DNAH7: variants seen among roughly 807,000 people sequenced by gnomAD.
DNAH7 encodes the protein axonemal beta dynein heavy chain 7.
In DNAH7, 397 loss-of-function variants were observed where a neutral mutation model predicts 444.6. That is an observed-to-expected ratio of 0.89 (90% CI 0.82 to 0.97). The LOEUF (loss-of-function observed/expected upper bound fraction) is 0.97, where lower values mean the gene tolerates loss of function less well. DNAH7 is among the 50% of genes least tolerant of loss of function. DNAH7 has a pLI of 0.00. For missense variants in DNAH7, 4,902 were observed against 4,800.8 expected (o/e 1.02, Z -0.62); for synonymous variants, 1,636 against 1,624.4 (o/e 1.01, Z -0.17).
chr2:195,912,120 GT>G (rs1687394720), intron 24 of DNAH7, among the ~76,000 whole-genome samples: 1 of 152,170 alleles, frequency 6.6e-6, no homozygotes, highest in Admixed American at 6.5e-5. Context: ...AAGACCGTAA[GT>G]GAGTGATCAG....
At chr2:195,954,896 T>C (rs1005959410) in intron 19 of DNAH7, among the ~76,000 whole-genome samples, 4 of 152,234 alleles carry the variant, frequency 2.6e-5, no homozygotes, top group African/African-American at 9.7e-5. Context: ...GTAAATTTGT[T>C]GGAGTTCTTT....
In DNAH7 at chr2:195,808,771, A is replaced by C. The variant is rs367610912; in HGVS notation, c.9994T>G (p.Cys3332Gly). 2 of 1,613,914 alleles carry C rather than the reference A, an allele frequency of 1.2e-6. No homozygotes were observed. The highest frequency in any genetic ancestry group is 1.1e-5 in the South Asian group (1 of 91,084). Residue 3332 changes from cysteine to glycine, a missense_variant, in exon 53 of 65, where the codon TGT (cysteine) becomes GGT (glycine). Transcript: ENST00000312428. ...AAGGCAGGCAAATCATCTAATCGAC[A>C]TATTTCATCCCAGGATTTCTGAGGA... ...WLPQKSWDEI[C>G]RLDDLPAFKT...
intron 38 of DNAH7, among the ~76,000 whole-genome samples, chr2:195,874,036 C>T (rs1048677432): frequency 6.6e-6 from 1 of 151,838 alleles, no homozygotes; most frequent in Non-Finnish European, 1.5e-5. Context: ...ATCCTCAATA[C>T]AATATTAAAA....
intron 46 of DNAH7, among the ~76,000 whole-genome samples, chr2:195,852,222 C>A (rs1304208853): frequency 1.3e-5 from 2 of 152,094 alleles, no homozygotes; most frequent in Non-Finnish European, 1.5e-5. Flanking sequence ...CGCACCACTG[C>A]ACTCCAGTCT....
rs764416021 is a variant in DNAH7 at position 195,906,423 on chromosome 2, A to ACACACACACACTT, written c.4335+235_4335+236insAAGTGTGTGTGTG. Among the ~76,000 whole-genome samples, 105 of 147,570 alleles carry ACACACACACACTT rather than the reference A, an allele frequency of 7.1e-4. 1 individual carries two copies. Among genetic ancestry groups the ACACACACACACTT allele is most frequent in the African/African-American group, 2.5e-3 (99 of 39,466 alleles). On this transcript the variant is annotated intron_variant, in intron 27 of 64. Transcript: ENST00000312428. ...CATACACACAGAAACACACACACAC[A>ACACACACACACTT]CACACACTTTTAAAATATTTTCTTT...
At chr2:195,857,042 T>G (rs979012447) in intron 44 of DNAH7, among the ~76,000 whole-genome samples, 4 of 152,134 alleles carry the variant, frequency 2.6e-5, no homozygotes, top group Non-Finnish European at 5.9e-5. Context: ...TGTATTAACA[T>G]GTAACATTTT....
intron 46 of DNAH7, among the ~76,000 whole-genome samples, chr2:195,848,291 C>T (rs1333948974): frequency 1.3e-5 from 2 of 152,148 alleles, no homozygotes; most frequent in African/African-American, 2.4e-5. Context: ...ATGCAGAAGC[C>T]CCACAACTGG....
At chr2:195,995,333 C>G in intron 12 of DNAH7, 1 of 515,866 alleles carries the variant, frequency 1.9e-6, no homozygotes, top group Non-Finnish European at 3.9e-6. Flanking sequence ...AATCCAAGAC[C>G]CCATGGAGAG....
intron 12 of DNAH7, among the ~76,000 whole-genome samples, chr2:195,989,658 T>C (rs566194374): frequency 7.2e-5 from 11 of 152,304 alleles, no homozygotes; most frequent in African/African-American, 2.6e-4. Flanking sequence ...GTGTTGCAGG[T>C]AGGGCCTGGT....
chr2:196,055,916 C>T (rs1697773607), intron 2 of DNAH7, among the ~76,000 whole-genome samples: 1 of 152,220 alleles, frequency 6.6e-6, no homozygotes, highest in Admixed American at 6.5e-5. Context: ...CTCACCATCA[C>T]TCTAGGTGAA....
Position 195,775,900 on chromosome 2 carries a change from G to A in DNAH7, c.11148C>T (p.Ile3716=). 2 of 1,614,204 alleles carry A rather than the reference G, an allele frequency of 1.2e-6. No homozygotes were observed. Among genetic ancestry groups the A allele is most frequent in the Non-Finnish European group, 1.7e-6 (2 of 1,180,028 alleles). The change falls in exon 60 of 65, where the codon ATC becomes ATT. Residue 3716 remains isoleucine (I), a synonymous_variant. Transcript: ENST00000312428. ...GCTGAGTTTCTGACTGATCCTTAGT[G>A]ATATCTGCATTGGCATTCATCCCAA... is the stretch of plus-strand genomic sequence containing the variant. The part of the protein sequence containing the change: ...EIFGMNANAD[I]TKDQSETQLL...
At chr2:195,836,829 C>T (rs1395181192) in intron 47 of DNAH7, among the ~76,000 whole-genome samples, 1 of 152,158 alleles carries the variant, frequency 6.6e-6, no homozygotes, top group African/African-American at 2.4e-5. Flanking sequence ...GAATTACTCA[C>T]TCTTGTATCA....
At chr2:195,862,083 A>G (rs764391359) in intron 41 of DNAH7, 137 bp from the exon 42 acceptor site, 1 of 686,988 alleles carries the variant, frequency 1.5e-6, no homozygotes, top group Non-Finnish European at 2.5e-6. Flanking sequence ...AGACAATTTC[A>G]TAAGAAACTT....
chr2:196,051,845 T>C (rs1461208840), intron 2 of DNAH7, among the ~76,000 whole-genome samples: 1 of 152,138 alleles, frequency 6.6e-6, no homozygotes, highest in Non-Finnish European at 1.5e-5. Context: ...CGCCAGCTCT[T>C]GTAAGACACT....
At chr2:195,839,617 G>A (rs1421828917) in intron 47 of DNAH7, among the ~76,000 whole-genome samples, 1 of 151,600 alleles carries the variant, frequency 6.6e-6, no homozygotes, top group African/African-American at 2.4e-5. Flanking sequence ...TCAAACTCTA[G>A]CCAGATTGAC....
chr2:195,762,965 C>A (rs971459906), intron 61 of DNAH7, among the ~76,000 whole-genome samples: 1 of 151,862 alleles, frequency 6.6e-6, no homozygotes, highest in African/African-American at 2.4e-5. Flanking sequence ...TGTTAGGCCA[C>A]AAAAAAAGTT....
At chr2:195,790,772 T>C (rs1695843266) in intron 57 of DNAH7, among the ~76,000 whole-genome samples, 1 of 152,150 alleles carries the variant, frequency 6.6e-6, no homozygotes, top group Non-Finnish European at 1.5e-5. Context: ...CTTCTCAAAA[T>C]TGGCCTTGGA....
At chr2:195,996,911 T>G (rs989222198) in intron 12 of DNAH7, among the ~76,000 whole-genome samples, 1 of 152,188 alleles carries the variant, frequency 6.6e-6, no homozygotes, top group African/African-American at 2.4e-5. Context: ...ATTCCCCCAG[T>G]GGGCATTTCA....
chr2:195,962,096 T>C lies in DNAH7; in HGVS notation c.2206-1151A>G, dbSNP rs78733440. ...TTCCTCTTACTTTAGTTGTGAAATA[T>C]GTGAGGATATGGACAGTTGAGAAGA... On this transcript the variant is annotated intron_variant, in intron 17 of 64. Transcript: ENST00000312428. 1.9e-3 allele frequency among the ~76,000 whole-genome samples: 285 copies of C among 152,290 alleles called. 1 individual carries two copies. The highest frequency in any genetic ancestry group is 6.4e-3 in the African/African-American group (268 of 41,560).
Sources: allele counts gnomAD v4.1 joint callset (sites outside exome capture counted in the v4.1 genomes callset), GRCh38; gene constraint gnomAD v4.1.1; transcripts MANE v1.5; gene names NCBI Gene and HGNC (gene_info 2026-07-23, HGNC 2026-07-21).